MYZAP: variants seen among roughly 807,000 people sequenced by gnomAD.
MYZAP encodes GRINL1A complex locus upstream.
In MYZAP, 66 loss-of-function variants were observed where a neutral mutation model predicts 69.4. The observed-to-expected ratio is 0.95, with a 90% CI of 0.78 to 1.17. The LOEUF is 1.17. Among genes scored for constraint, MYZAP ranks in the 50% most tolerant of loss-of-function variants. The pLI, the probability that MYZAP is intolerant of heterozygous loss-of-function variation, is 0.00. For synonymous variants in MYZAP, 256 were observed against 205.9 expected, an observed-to-expected ratio of 1.24 and a Z score of -2.09; for missense variants, 611 against 556.2, an observed-to-expected ratio of 1.10 and a Z score of -0.99.
At chr15:57,608,357 T>A (rs1180342188) in intron 2 of MYZAP, among the ~76,000 whole-genome samples, 1 of 152,228 alleles carries the variant, frequency 6.6e-6, no homozygotes, top group African/African-American at 2.4e-5. Context: ...GGGTGTGTTG[T>A]GGATGGCGTA....
rs201372578 is a variant in MYZAP, at chr15:57,639,425, T to A, written c.1014-15T>A. 6.2e-7 allele frequency: 1 copy of A among 1,613,662 alleles called. No homozygotes were observed. The highest frequency in any genetic ancestry group is 2.2e-5 in the East Asian group (1 of 44,832). ...GGTTTAGGACTCATTTGCTTTTTTCTCCTATTTGTGTTAGGTATCAGCAGT... is the reference window on the plus strand; with the variant it reads ...GGTTTAGGACTCATTTGCTTTTTTCACCTATTTGTGTTAGGTATCAGCAGT... On this transcript the variant is annotated splice_polypyrimidine_tract_variant and intron_variant, in intron 9 of 12. Transcript: ENST00000267853.
chr15:57,594,095 G>A (rs2033899141), intron 1 of MYZAP, among the ~76,000 whole-genome samples: 1 of 152,152 alleles, frequency 6.6e-6, no homozygotes. Flanking sequence ...TCTTCCTGAG[G>A]CATCAGGGGA....
chr15:57,661,395 G>A (rs1463006677), intron 10 of MYZAP, 55 bp from the exon 11 acceptor site: 3 of 1,325,026 alleles, frequency 2.3e-6, no homozygotes, highest in Non-Finnish European at 3.2e-6. Flanking sequence ...TGATAAACCT[G>A]TACTTACACA....
chr15:57,640,226 G>T (rs2037069772), intron 10 of MYZAP, among the ~76,000 whole-genome samples: 1 of 152,128 alleles, frequency 6.6e-6, no homozygotes, highest in Admixed American at 6.5e-5. Context: ...TTTAACTTGT[G>T]TCAATATAAT....
chr15:57,597,669 G>C (rs897770495), intron 1 of MYZAP, among the ~76,000 whole-genome samples: 3 of 152,188 alleles, frequency 2.0e-5, no homozygotes, highest in Non-Finnish European at 4.4e-5. Flanking sequence ...GGAATGTTTT[G>C]TATGCCTCTG....
intron 11 of MYZAP, among the ~76,000 whole-genome samples, chr15:57,669,873 C>G (rs909564977): frequency 4.6e-5 from 7 of 151,998 alleles, no homozygotes; most frequent in African/African-American, 1.7e-4. Context: ...TTCCTAATTT[C>G]CCTTGAGATT....
In MYZAP at chr15:57,592,973, G is replaced by A. The variant is rs114075904; in HGVS notation, c.75+864G>A. ...CCTCAAGATTTAAACAGGTGGTTAA[G>A]TCCAAAGCAAAACCCCCACTGGTTC... On this transcript the variant is annotated intron_variant, in intron 1 of 12. Transcript: ENST00000267853. Among the ~76,000 whole-genome samples, 222 of 152,232 alleles carry A rather than the reference G, an allele frequency of 1.5e-3. 2 individuals carry two copies. Among genetic ancestry groups the A allele is most frequent in the African/African-American group, 5.0e-3 (208 of 41,546 alleles).
intron 10 of MYZAP, among the ~76,000 whole-genome samples, chr15:57,651,713 TA>T (rs2037736697): frequency 6.6e-6 from 1 of 152,230 alleles, no homozygotes; most frequent in Non-Finnish European, 1.5e-5. Flanking sequence ...CTGGTGGGGA[TA>T]ACCACATAGG....
chr15:57,625,332 C>A (rs545188059), intron 4 of MYZAP, among the ~76,000 whole-genome samples: 1 of 152,260 alleles, frequency 6.6e-6, no homozygotes, highest in East Asian at 1.9e-4. Context: ...CCTCGGCCTC[C>A]CACAGTGCTG....
chr15:57,617,923 A>G lies in MYZAP; in HGVS notation c.163-110A>G, dbSNP rs149456543. ...CTCCCTCCATCTCCACTGCCAGGCA[A>G]TGAGTGCTGGGCACAATTTGCATAA... On this transcript the variant is annotated intron_variant, in intron 2 of 12. Transcript: ENST00000267853. 9.1e-5 allele frequency: 126 copies of G among 1,389,574 alleles called. No individual in the cohort carries two copies. The African/African-American group carries it at 1.6e-3, about 18-fold the overall frequency. The allele number at this position is 1,389,574 out of a possible 1,614,324, so 86.1% of individuals were successfully genotyped here. A position where few individuals can be genotyped will look rare whatever the true frequency, so the allele number is the denominator to read the frequency against.
At chr15:57,671,540 C>T (rs1303746155) in intron 11 of MYZAP, among the ~76,000 whole-genome samples, 1 of 152,106 alleles carries the variant, frequency 6.6e-6, no homozygotes, top group African/African-American at 2.4e-5. Flanking sequence ...TTTCAAATTG[C>T]TTCACAGTTC....
chr15:57,604,383 A>G (rs1404843803), intron 2 of MYZAP, 28 bp downstream of exon 2: 1 of 1,613,434 alleles, frequency 6.2e-7, no homozygotes, highest in East Asian at 2.2e-5. Flanking sequence ...CAAAGCCCCA[A>G]CAAGTTCCAG....
intron 5 of MYZAP, among the ~76,000 whole-genome samples, chr15:57,627,852 C>CT (rs1262581397): frequency 6.6e-6 from 1 of 151,858 alleles, no homozygotes; most frequent in Non-Finnish European, 1.5e-5. Flanking sequence ...GCCAGTGGGG[C>CT]TGGGGGAGTG....
At chr15:57,635,086 C>G (rs1325305624) in intron 8 of MYZAP, among the ~76,000 whole-genome samples, 8 of 152,154 alleles carry the variant, frequency 5.3e-5, no homozygotes, top group Non-Finnish European at 4.4e-5. Context: ...ACAGAGAAAC[C>G]ACAGGTAGTG....
intron 1 of MYZAP, among the ~76,000 whole-genome samples, chr15:57,597,705 C>T (rs2034152291): frequency 6.6e-6 from 1 of 152,204 alleles, no homozygotes; most frequent in African/African-American, 2.4e-5. Context: ...TCACAGGGGC[C>T]TGCAAAACCT....
chr15:57,629,082 C>G (rs1453683084), intron 5 of MYZAP, among the ~76,000 whole-genome samples: 4 of 31,446 alleles, frequency 1.3e-4, no homozygotes, highest in African/African-American at 1.2e-4. Context: ...GGCTCTGTCT[C>G]AAAAACAAAA....
intron 10 of MYZAP, among the ~76,000 whole-genome samples, chr15:57,656,771 A>G (rs1447285365): frequency 1.3e-5 from 2 of 152,220 alleles, no homozygotes; most frequent in South Asian, 2.1e-4. Context: ...AGAATATACT[A>G]GAAAAGAAGT....
intron 4 of MYZAP, among the ~76,000 whole-genome samples, chr15:57,624,554 C>T (rs529402987): frequency 5.9e-5 from 9 of 152,322 alleles, no homozygotes; most frequent in Admixed American, 2.0e-4. Context: ...AGTCATTCTG[C>T]CATGACTGTC....
intron 1 of MYZAP, among the ~76,000 whole-genome samples, chr15:57,592,479 C>G (rs986044916): frequency 6.6e-6 from 1 of 152,180 alleles, no homozygotes; most frequent in African/African-American, 2.4e-5. Context: ...AACTTTCCTT[C>G]TTCCATTAAT....
Sources: gnomAD v4.1 joint callset for allele counts (sites outside exome capture counted in the v4.1 genomes callset) on GRCh38, gnomAD v4.1.1 for gene constraint, MANE v1.5 for transcripts, NCBI Gene and HGNC (gene_info 2026-07-23, HGNC 2026-07-21) for gene names.